Variants in ZNF813 observed in about 807,000 individuals in gnomAD.
ZNF813 encodes zinc finger protein 813.
ZNF813 carries 3 observed loss-of-function variants against 7.2 expected under a neutral mutation model. That is an observed-to-expected ratio of 0.42 (90% confidence interval 0.19 to 1.08). ZNF813 has a LOEUF of 1.08. ZNF813 is among the 50% of genes least tolerant of loss of function. The pLI is 0.30. For missense variants in ZNF813, 714 were observed against 753.3 expected (o/e 0.95, Z 0.61); for synonymous variants, 227 against 256.3 (o/e 0.89, Z 1.09).
At chr19:53,485,031 C>A (rs1416471794) in intron 2 of ZNF813, among the ~76,000 whole-genome samples, 2 of 152,140 alleles carry the variant, frequency 1.3e-5, no homozygotes, top group Admixed American at 6.6e-5. Flanking sequence ...ACTGGGGAGC[C>A]GCTACTGTCA....
chr19:53,481,174 G>A (rs1354535254), intron 1 of ZNF813, among the ~76,000 whole-genome samples: 1 of 152,112 alleles, frequency 6.6e-6, no homozygotes, highest in Non-Finnish European at 1.5e-5. Context: ...GAGCCTGGGA[G>A]TGCTAGAAGC....
At position 53,490,719 on chromosome 19, in the gene ZNF813, C is replaced by G. The variant is rs375299919; in HGVS notation, c.487C>G (p.Gln163Glu). 2.2e-5 allele frequency: 35 copies of G among 1,614,032 alleles called. No individual in the cohort carries two copies. Among genetic ancestry groups the G allele is most frequent in the Non-Finnish European group, 3.0e-5 (35 of 1,180,034 alleles). The stretch of plus-strand genomic sequence containing the variant: ...TCAGACCCAAGGGAAAATTGGTAAT[C>G]AAGTGGAGAAGTCTATCAACGATGC... ...MFQTQGKIGNQVEKSINDASS... is the reference protein window; with the variant it reads ...MFQTQGKIGNEVEKSINDASS... Residue 163 changes from glutamine (Q) to glutamate (E), a missense_variant, in exon 4 of 4, where the codon CAA (glutamine) becomes GAA (glutamate). Physicochemically the swap from Gln to Glu is conservative, Grantham distance 29. Transcript: ENST00000396403.
At chr19:53,488,711 G>T (rs532512664) in intron 3 of ZNF813, among the ~76,000 whole-genome samples, 1 of 151,496 alleles carries the variant, frequency 6.6e-6, no homozygotes, top group African/African-American at 2.4e-5. Context: ...GAGCCACCGC[G>T]CCCAGCCGTT....
intron 1 of ZNF813, among the ~76,000 whole-genome samples, chr19:53,471,074 C>A (rs2086356493): frequency 6.6e-6 from 1 of 152,044 alleles, no homozygotes; most frequent in Non-Finnish European, 1.5e-5. Flanking sequence ...TCTTTCTAGT[C>A]TTCTATTTTT....
Position 53,491,674 on chromosome 19 carries a change from C to CCA in ZNF813, c.1443_1444insAC (p.Leu482ThrfsTer3), listed in dbSNP as rs771381565. ...GGCAAGACGTTCAGTCGAATTTCAG[C>CCA]CCTCGTAATTCATACGGCAATTCAT... On this transcript the variant is annotated frameshift_variant, in exon 4 of 4. Transcript: ENST00000396403. LOFTEE classifies it low-confidence loss of function (END_TRUNC). The CCA allele has an allele frequency of 3.1e-6, 5 of 1,613,458 alleles. No individual in the cohort carries two copies. The South Asian group carries it at 4.4e-5, about 14-fold the overall frequency.
In ZNF813 at chr19:53,493,429, T is replaced by C. The variant is rs2086472918; in HGVS notation, c.*1343T>C. On this transcript the variant is annotated 3_prime_UTR_variant, in exon 4 of 4. Coordinates refer to ENST00000396403, the MANE Select transcript of ZNF813 (RefSeq NM_001004301.4). The stretch of plus-strand genomic sequence containing the variant: ...GTACAAACTTCTCACCTTTTTACTT[T>C]TATTTCTATTTCTTTAAGTTCTCTA... 1 of 111,754 alleles carries C rather than the reference T, an allele frequency of 8.9e-6. No homozygotes were observed. The highest frequency in any genetic ancestry group is 3.0e-4 in the South Asian group (1 of 3,378). 6.9% of individuals were successfully genotyped at this position (111,754 alleles called of 1,614,324 possible).
At chr19:53,483,142 T>A (rs2086417340) in intron 1 of ZNF813, among the ~76,000 whole-genome samples, 1 of 151,446 alleles carries the variant, frequency 6.6e-6, no homozygotes, top group South Asian at 2.1e-4. Context: ...ACTTCTGACC[T>A]CAAGTAATGC....
chr19:53,471,896 C>T (rs2086361279), intron 1 of ZNF813, among the ~76,000 whole-genome samples: 1 of 151,358 alleles, frequency 6.6e-6, no homozygotes, highest in South Asian at 2.1e-4. Context: ...AACTCTTTTG[C>T]TTCTTAAGGC....
At chr19:53,469,756 C>T (rs2086346898) in intron 1 of ZNF813, among the ~76,000 whole-genome samples, 1 of 148,954 alleles carries the variant, frequency 6.7e-6, no homozygotes, top group Non-Finnish European at 1.5e-5. Flanking sequence ...GGGAGAAGCA[C>T]AGCAGGGAGG....
intron 1 of ZNF813, among the ~76,000 whole-genome samples, chr19:53,477,750 G>A (rs113850215): frequency 4.3e-4 from 66 of 152,226 alleles, no homozygotes; most frequent in African/African-American, 1.3e-3. Flanking sequence ...GATCCCAGGA[G>A]GTCCAGGCTG....
At chr19:53,479,123 T>C (rs1421185864) in intron 1 of ZNF813, among the ~76,000 whole-genome samples, 9 of 152,140 alleles carry the variant, frequency 5.9e-5, no homozygotes, top group Non-Finnish European at 8.8e-5. Flanking sequence ...TTAGCAGATA[T>C]GGGGTTTCAC....
chr19:53,477,325 G>A (rs2086386607), intron 1 of ZNF813, among the ~76,000 whole-genome samples: 1 of 152,176 alleles, frequency 6.6e-6, no homozygotes, highest in Non-Finnish European at 1.5e-5. Context: ...AACGCTTGCA[G>A]ATGCCCTGTA....
chr19:53,489,623 A>C (rs1184188830), intron 3 of ZNF813, among the ~76,000 whole-genome samples: 1 of 152,118 alleles, frequency 6.6e-6, no homozygotes, highest in African/African-American at 2.4e-5. Flanking sequence ...AAATACAAAA[A>C]TTTTTAAAAG....
At chr19:53,479,599 G>A in intron 1 of ZNF813, 2 of 1,215,688 alleles carry the variant, frequency 1.6e-6, no homozygotes, top group Non-Finnish European at 2.4e-6. Flanking sequence ...AAAAGCTGCT[G>A]ATGAGAGTGA....
intron 1 of ZNF813, among the ~76,000 whole-genome samples, chr19:53,477,251 A>T (rs899518113): frequency 3.3e-5 from 5 of 152,114 alleles, no homozygotes; most frequent in Non-Finnish European, 7.4e-5. Flanking sequence ...CTGAACTGTC[A>T]AAAGTGGAGT....
chr19:53,489,171 C>A (rs1020812523), intron 3 of ZNF813, among the ~76,000 whole-genome samples: 7 of 152,104 alleles, frequency 4.6e-5, no homozygotes, highest in Admixed American at 1.3e-4. Context: ...CCACACCCGG[C>A]TAATTTTGTA....
At position 53,491,348 on chromosome 19, in the gene ZNF813, C is replaced by T. The variant is rs200870849; in HGVS notation, c.1116C>T (p.Cys372=). 4 of 1,611,402 alleles carry T rather than the reference C, an allele frequency of 2.5e-6. No homozygotes were observed. The highest frequency in any genetic ancestry group is 3.3e-5 in the Admixed American group (2 of 59,838). Residue 372 remains cysteine, a synonymous_variant, in exon 4 of 4, where the codon TGC becomes TGT. Coordinates refer to ENST00000396403, the MANE Select transcript of ZNF813 (RefSeq NM_001004301.4). ...KTFSRKSSLT[C]HHRLHTGEKP... The stretch of plus-strand genomic sequence containing the variant: ...TTAGTCGGAAGTCATCCCTTACATG[C>T]CATCATAGACTTCATACGGGAGAGA...
In ZNF813 at chr19:53,490,922, A is replaced by G; in HGVS notation, c.690A>G (p.Leu230=). Residue 230 remains leucine, a synonymous_variant, in exon 4 of 4, where the codon TTA becomes TTG. Transcript: ENST00000396403. ...SGKAFNYSSL[L]RKHQIIHLGE... ...AAGCCTTTAATTATAGCTCACTCTT[A>G]AGGAAACATCAAATAATCCATTTAG... 1 of 1,614,132 alleles carries G rather than the reference A, an allele frequency of 6.2e-7. No individual in the cohort carries two copies. The highest frequency in any genetic ancestry group is 8.5e-7 in the Non-Finnish European group (1 of 1,179,996).
chr19:53,468,845 C>T (rs1028863260), intron 1 of ZNF813, among the ~76,000 whole-genome samples: 1 of 151,948 alleles, frequency 6.6e-6, no homozygotes, highest in Non-Finnish European at 1.5e-5. Context: ...AGAAGTCTTC[C>T]TCTTATCTCA....
Sources: gnomAD v4.1 joint callset for allele counts (sites outside exome capture counted in the v4.1 genomes callset) on GRCh38, gnomAD v4.1.1 for gene constraint, MANE v1.5 for transcripts, NCBI Gene and HGNC (gene_info 2026-07-23, HGNC 2026-07-21) for gene names.